The following SECISBP2L variants were observed in gnomAD, a reference collection of about 807,000 sequenced individuals.
SECISBP2L encodes the protein selenocysteine insertion sequence-binding protein 2-like.
Under a neutral mutation model 114.7 loss-of-function variants are expected in SECISBP2L, and 43 were observed. That is an observed-to-expected ratio of 0.38 (90% CI 0.29 to 0.48). The LOEUF (loss-of-function observed/expected upper bound fraction) is 0.48, where lower values mean the gene tolerates loss of function less well. Among genes scored for constraint, SECISBP2L ranks in the 20% least tolerant of loss-of-function variants. SECISBP2L has a pLI of 0.98. For missense variants in SECISBP2L, 1,136 were observed against 1,301.1 expected (o/e 0.87, Z 1.95); for synonymous variants, 451 against 439.7 (o/e 1.03, Z -0.32).
intron 1 of SECISBP2L, among the ~76,000 whole-genome samples, chr15:49,041,456 T>C (rs964605240): frequency 6.6e-6 from 1 of 152,206 alleles, no homozygotes; most frequent in Non-Finnish European, 1.5e-5. Flanking sequence ...ATTCAGATCA[T>C]TGAGAGCCTA....
At chr15:49,026,432 T>C (rs1037506670) in intron 7 of SECISBP2L, among the ~76,000 whole-genome samples, 19 of 152,350 alleles carry the variant, frequency 1.2e-4, no homozygotes, top group Non-Finnish European at 2.8e-4. Context: ...GTAATCACCC[T>C]GATTTGATCA....
chr15:49,020,261 C>A (rs1902616209), intron 7 of SECISBP2L, among the ~76,000 whole-genome samples: 1 of 151,940 alleles, frequency 6.6e-6, no homozygotes, highest in African/African-American at 2.4e-5. Context: ...GGCTGGAGTG[C>A]AGTGGCTTGA....
intron 11 of SECISBP2L, among the ~76,000 whole-genome samples, chr15:49,015,886 A>G (rs1423276115): frequency 2.0e-5 from 3 of 152,224 alleles, no homozygotes; most frequent in Admixed American, 1.3e-4. Context: ...GCAGAGATCT[A>G]AAGAACCTGA....
intron 13 of SECISBP2L, 24 bp from the exon 14 acceptor site, chr15:49,009,402 A>G (rs767789397): frequency 8.2e-6 from 13 of 1,593,822 alleles, no homozygotes; most frequent in Non-Finnish European, 1.1e-5. Context: ...GAGTGAAGGG[A>G]AAAAATTTAG....
chr15:49,026,370 T>A (rs1301691077), intron 7 of SECISBP2L, among the ~76,000 whole-genome samples: 1 of 152,186 alleles, frequency 6.6e-6, no homozygotes, highest in East Asian at 1.9e-4. Flanking sequence ...GGGACAGGAT[T>A]CTGAATGTTC....
intron 7 of SECISBP2L, among the ~76,000 whole-genome samples, chr15:49,024,764 G>C (rs941141582): frequency 6.6e-6 from 1 of 152,054 alleles, no homozygotes; most frequent in Admixed American, 6.6e-5. Context: ...GACTTAAAAA[G>C]ACTCTGCATC....
At chr15:48,993,112 T>A (rs1468481242) in intron 17 of SECISBP2L, among the ~76,000 whole-genome samples, 186 bp from the exon 18 acceptor site, 111 of 150,574 alleles carry the variant, frequency 7.4e-4, no homozygotes, top group East Asian at 2.3e-3. Context: ...TGTGTGTGTG[T>A]GTGTGTGTGT....
At chr15:49,038,887 A>T (rs1278794234) in intron 1 of SECISBP2L, among the ~76,000 whole-genome samples, 3 of 152,144 alleles carry the variant, frequency 2.0e-5, no homozygotes, top group Non-Finnish European at 4.4e-5. Flanking sequence ...TTTTCCCAAC[A>T]AACCCACTAG....
intron 1 of SECISBP2L, 88 bp downstream of exon 1, chr15:49,046,188 G>A (rs1903245509): frequency 1.4e-6 from 2 of 1,466,106 alleles, no homozygotes; most frequent in African/African-American, 2.9e-5. Context: ...CCGGCCCCCG[G>A]TCCCCACGTT....
intron 11 of SECISBP2L, among the ~76,000 whole-genome samples, chr15:49,013,931 T>C (rs72741938): frequency 1.3e-5 from 2 of 152,254 alleles, no homozygotes; most frequent in East Asian, 1.9e-4. Flanking sequence ...TAGAATCTTC[T>C]ATCTAAAAAA....
At position 48,988,643 on chromosome 15, in the gene SECISBP2L, T is replaced by C; in HGVS notation, c.*3601A>G. The C allele has an allele frequency of 4.4e-6, 2 of 456,300 alleles. No homozygotes were observed. The highest frequency in any genetic ancestry group is 8.8e-6 in the Non-Finnish European group (2 of 226,774). 28.3% of individuals were successfully genotyped at this position (456,300 alleles called of 1,614,324 possible). A position where few individuals can be genotyped will look rare whatever the true frequency, so the allele number is the denominator to read the frequency against. Reference sequence around the variant, plus strand: ...ATCTCTTCTGAAAGGACAGATTTCATTTCAATAATCATTTTATTAGTACAG... The same window carrying C: ...ATCTCTTCTGAAAGGACAGATTTCACTTCAATAATCATTTTATTAGTACAG... On this transcript the variant is annotated 3_prime_UTR_variant, in exon 18 of 18. Coordinates refer to ENST00000559471, the MANE Select transcript of SECISBP2L (RefSeq NM_001193489.2).
In SECISBP2L at chr15:48,991,990, T is replaced by G. The variant is rs985184898; in HGVS notation, c.*254A>C. On this transcript the variant is annotated 3_prime_UTR_variant, in exon 18 of 18. Transcript: ENST00000559471. ...AATTTATTTTCTTTAAGATCTGGTC[T>G]TCTTTTTATCACTGTTTTTGATTAC... 10 of 363,430 alleles carry G rather than the reference T, an allele frequency of 2.8e-5. No homozygotes were observed. The highest frequency in any genetic ancestry group is 9.2e-5 in the South Asian group (1 of 10,910). 22.5% of individuals were successfully genotyped at this position (363,430 alleles called of 1,614,324 possible).
At chr15:49,011,691 G>C in intron 13 of SECISBP2L, 40 bp downstream of exon 13, 1 of 1,609,760 alleles carries the variant, frequency 6.2e-7, no homozygotes, top group Middle Eastern at 1.7e-4. Context: ...AAATATTTCA[G>C]ACCATTCCAT....
chr15:49,030,196 T>C (rs1902857595), intron 4 of SECISBP2L, among the ~76,000 whole-genome samples: 1 of 152,224 alleles, frequency 6.6e-6, no homozygotes, highest in Admixed American at 6.5e-5. Flanking sequence ...TGACAAGTCT[T>C]CATAATTATA....
chr15:49,042,502 T>C (rs1458179306), intron 1 of SECISBP2L: 1 of 152,196 alleles, frequency 6.6e-6, no homozygotes, highest in African/African-American at 2.4e-5. Context: ...CCAGGGAGGT[T>C]ATCATATTGA....
At chr15:49,040,926 A>G (rs1436563323) in intron 1 of SECISBP2L, among the ~76,000 whole-genome samples, 1 of 151,664 alleles carries the variant, frequency 6.6e-6, no homozygotes, top group Non-Finnish European at 1.5e-5. Flanking sequence ...TGTTTTAATT[A>G]TATTATTATA....
chr15:49,035,901 C>T (rs1902996140), intron 2 of SECISBP2L, among the ~76,000 whole-genome samples: 2 of 152,096 alleles, frequency 1.3e-5, no homozygotes, highest in Non-Finnish European at 2.9e-5. Context: ...TACAGTATTC[C>T]ACATACCAGC....
At chr15:49,010,817 G>C (rs1266531848) in intron 13 of SECISBP2L, among the ~76,000 whole-genome samples, 1 of 152,170 alleles carries the variant, frequency 6.6e-6, no homozygotes, top group Non-Finnish European at 1.5e-5. Flanking sequence ...CAGCCCACGT[G>C]TATCTTCTTA....
rs1902804341 is a variant in SECISBP2L, at chr15:49,028,460, G to T, written c.887C>A (p.Thr296Asn). ...AGALRNPDSG[T>N]MNHVESSMCA... ...CAAGACGATGTCACATACATTCATG[G>T]TCCCAGAATCAGGATTTCTCAAAGC... Residue 296 changes from threonine (T) to asparagine (N), a missense_variant, in exon 5 of 18, where the codon ACC becomes AAC. Thr to Asn is a moderately conservative substitution (Grantham distance 65). This residue lies in a region of SECISBP2L where 452 missense variants were observed against 452.3 expected (regional missense o/e 1.00). Coordinates refer to ENST00000559471, the MANE Select transcript of SECISBP2L (RefSeq NM_001193489.2). 5 of 1,613,902 alleles carry T rather than the reference G, an allele frequency of 3.1e-6. No individual in the cohort carries two copies. The highest frequency in any genetic ancestry group is 1.3e-5 in the African/African-American group (1 of 75,018).
Sources: allele counts gnomAD v4.1 joint callset (sites outside exome capture counted in the v4.1 genomes callset), GRCh38; gene constraint gnomAD v4.1.1; regional missense constraint gnomAD v4.1.1; transcripts MANE v1.5; gene names NCBI Gene and HGNC (gene_info 2026-07-23, HGNC 2026-07-21).